Variants in TTC29 observed in about 807,000 individuals in gnomAD.
TTC29 encodes the protein tetratricopeptide repeat protein 29.
A neutral mutation model predicts 58.1 loss-of-function variants in TTC29; 49 were observed. The ratio of observed to expected loss-of-function variants is 0.84; its 90% CI spans 0.67 to 1.07. The LOEUF (loss-of-function observed/expected upper bound fraction) is 1.07. Ranked by LOEUF, TTC29 falls within the 50% of genes least tolerant of loss-of-function variation. The pLI is 0.00. For missense variants in TTC29, 582 were observed against 555.6 expected, an observed-to-expected ratio of 1.05 and a Z score of -0.48; for synonymous variants, 209 against 196.8, an observed-to-expected ratio of 1.06 and a Z score of -0.52.
intron 4 of TTC29, among the ~76,000 whole-genome samples, chr4:146,932,634 G>T (rs898403383): frequency 6.6e-6 from 1 of 151,996 alleles, no homozygotes; most frequent in Non-Finnish European, 1.5e-5. Flanking sequence ...AGCATCTTTG[G>T]ACAAAAATTT....
At chr4:146,860,866 C>A (rs1222954054) in intron 8 of TTC29, among the ~76,000 whole-genome samples, 8 of 152,100 alleles carry the variant, frequency 5.3e-5, no homozygotes, top group Non-Finnish European at 8.8e-5. Context: ...CAAGTTAACA[C>A]TAATGTTAGA....
At chr4:146,777,351 G>A (rs1442504027) in intron 11 of TTC29, among the ~76,000 whole-genome samples, 2 of 151,974 alleles carry the variant, frequency 1.3e-5, no homozygotes, top group Admixed American at 1.3e-4. Context: ...CCAGAGCCAG[G>A]ACTAGACCCC....
chr4:146,734,147 A>G (rs1744545467), intron 11 of TTC29, among the ~76,000 whole-genome samples: 1 of 152,218 alleles, frequency 6.6e-6, no homozygotes, highest in African/African-American at 2.4e-5. Flanking sequence ...TTTCTATAAT[A>G]TGATTGATTG....
chr4:146,832,791 C>A (rs1041045533), intron 9 of TTC29, among the ~76,000 whole-genome samples: 1 of 152,082 alleles, frequency 6.6e-6, no homozygotes, highest in Non-Finnish European at 1.5e-5. Context: ...CGTGCCTGGC[C>A]TCTCCTTCTA....
At chr4:146,868,748 T>C (rs1237666842) in intron 7 of TTC29, among the ~76,000 whole-genome samples, 1 of 152,136 alleles carries the variant, frequency 6.6e-6, no homozygotes, top group Non-Finnish European at 1.5e-5. Context: ...CCTTAGTTTT[T>C]GGTCTTTGGA....
At chr4:146,832,342 TA>T (rs1301206747) in intron 9 of TTC29, among the ~76,000 whole-genome samples, 2 of 152,168 alleles carry the variant, frequency 1.3e-5, no homozygotes, top group Non-Finnish European at 2.9e-5. Context: ...TGTTTGGAAG[TA>T]AAAGTTTTGA....
chr4:146,709,190 A>G (rs1179969440), intron 11 of TTC29, among the ~76,000 whole-genome samples: 1 of 152,124 alleles, frequency 6.6e-6, no homozygotes, highest in Non-Finnish European at 1.5e-5. Context: ...GTTCTTTTAC[A>G]TCTTGTCCTT....
rs1277537319 is a variant in TTC29, at chr4:146,830,656, A to C, written c.977+3150T>G. 9.8e-5 allele frequency among the ~76,000 whole-genome samples: 15 copies of C among 152,332 alleles called. No homozygotes were observed. In the South Asian group the frequency reaches 3.1e-3, roughly 32 times the overall value. ...CAACTTGATTTATTTCTCAGCTGCC[A>C]CCACCATAATTTCCTCTATTTGGGC... On this transcript the variant is annotated intron_variant, in intron 9 of 12. Transcript: ENST00000325106.
At chr4:146,905,806 T>G (rs546164349) in intron 5 of TTC29, among the ~76,000 whole-genome samples, 1 of 152,342 alleles carries the variant, frequency 6.6e-6, no homozygotes, top group Non-Finnish European at 1.5e-5. Context: ...GCATGCTGAA[T>G]GCTCTGATTA....
chr4:146,877,250 T>C (rs1181883068), intron 6 of TTC29, among the ~76,000 whole-genome samples: 1 of 150,136 alleles, frequency 6.7e-6, no homozygotes, highest in Non-Finnish European at 1.5e-5. Flanking sequence ...TTATGGTTTA[T>C]TTTCTGATTT....
chr4:146,831,283 T>C (rs1728140851), intron 9 of TTC29, among the ~76,000 whole-genome samples: 1 of 152,056 alleles, frequency 6.6e-6, no homozygotes. Context: ...TTAAAAAAAA[T>C]AGATAGGTTC....
intron 11 of TTC29, among the ~76,000 whole-genome samples, chr4:146,786,960 A>T (rs1749069416): frequency 6.6e-6 from 1 of 152,094 alleles, no homozygotes; most frequent in African/African-American, 2.4e-5. Flanking sequence ...CCAAAAAAAA[A>T]GAGAAAAAAA....
rs748239720 is a variant in TTC29, at chr4:146,903,678, T to C, written c.452A>G (p.Asn151Ser). Residue 151 changes from asparagine (N) to serine (S), a missense_variant, in exon 6 of 13, where the codon AAT (asparagine) becomes AGT (serine). By Grantham distance (46) the Asn-to-Ser change is conservative (BLOSUM62 1). Coordinates refer to ENST00000325106, the MANE Select transcript of TTC29 (RefSeq NM_031956.4). ...CCTTACCCACTTGTCTTCAGAATTA[T>C]TGAAGTAACAGGCCAGAGCATACAA... is the stretch of plus-strand genomic sequence containing the variant. ...NNLYALACYF[N>S]NSEDKWVRNH... is the part of the protein sequence containing the mutation. The C allele has an allele frequency of 1.5e-5, 24 of 1,612,764 alleles. No individual in the cohort carries two copies. Among genetic ancestry groups the C allele is most frequent in the Middle Eastern group, 1.7e-4 (1 of 6,056 alleles).
At chr4:146,874,413 C>T (rs1220994343) in intron 7 of TTC29, among the ~76,000 whole-genome samples, 4 of 152,256 alleles carry the variant, frequency 2.6e-5, no homozygotes, top group African/African-American at 9.6e-5. Flanking sequence ...TGCGCATGCA[C>T]ACACACATGC....
intron 10 of TTC29, among the ~76,000 whole-genome samples, chr4:146,817,979 C>T (rs982602317): frequency 2.0e-5 from 3 of 152,018 alleles, no homozygotes; most frequent in African/African-American, 7.2e-5. Context: ...CCATAAAAAC[C>T]CTAGAAGAAA....
At chr4:146,848,737 C>A (rs1004927732) in intron 8 of TTC29, among the ~76,000 whole-genome samples, 9 of 152,138 alleles carry the variant, frequency 5.9e-5, no homozygotes, top group African/African-American at 1.9e-4. Context: ...TTGCCAGTTG[C>A]CCTGCTTCCT....
At chr4:146,942,777 G>GC (rs1736530946) in intron 2 of TTC29, 3 of 608,426 alleles carry the variant, frequency 4.9e-6, no homozygotes, top group Non-Finnish European at 8.1e-6. Context: ...TTTTCTAAAA[G>GC]CCCCACTTTA....
At chr4:146,748,469 C>A (rs1424276579) in intron 11 of TTC29, among the ~76,000 whole-genome samples, 3 of 152,154 alleles carry the variant, frequency 2.0e-5, no homozygotes, top group African/African-American at 4.8e-5. Context: ...TGCCTGTGAA[C>A]CATGTCAGAA....
intron 8 of TTC29, among the ~76,000 whole-genome samples, chr4:146,843,661 G>A (rs1196149797): frequency 6.6e-6 from 1 of 151,956 alleles, no homozygotes; most frequent in Admixed American, 6.6e-5. Flanking sequence ...TGAATCAAAT[G>A]GTCTCAAATT....
Sources: allele counts gnomAD v4.1 joint callset (sites outside exome capture counted in the v4.1 genomes callset), GRCh38; gene constraint gnomAD v4.1.1; transcripts MANE v1.5; gene names NCBI Gene and HGNC (gene_info 2026-07-23, HGNC 2026-07-21).